ZZEF1: variants seen among roughly 807,000 people sequenced by gnomAD.
The protein encoded by ZZEF1 is zinc finger ZZ-type and EF-hand domain-containing protein 1.
Under a neutral mutation model 342.8 loss-of-function variants are expected in ZZEF1, and 157 were observed. The ratio of observed to expected loss-of-function variants is 0.46; its 90% CI spans 0.40 to 0.52. ZZEF1 has a LOEUF of 0.52. Ranked by LOEUF, ZZEF1 falls within the 20% of genes least tolerant of loss-of-function variation. The probability of loss-of-function intolerance (pLI) is 0.00; values close to 1 mark genes in which losing one functional copy is unlikely to be tolerated. For missense variants in ZZEF1, 3,480 were observed against 3,725.6 expected (o/e 0.93, Z 1.72); for synonymous variants, 1,505 against 1,429.1 (o/e 1.05, Z -1.20).
At chr17:4,077,378 T>G (rs2145310349) in intron 19 of ZZEF1, among the ~76,000 whole-genome samples, 1 of 152,332 alleles carries the variant, frequency 6.6e-6, no homozygotes, top group Non-Finnish European at 1.5e-5. Flanking sequence ...TCGTCACAGC[T>G]GCTGGGACCA....
At chr17:4,033,971 T>G (rs752197575) in intron 40 of ZZEF1, 44 bp downstream of exon 40, 2 of 1,599,146 alleles carry the variant, frequency 1.3e-6, no homozygotes, top group Non-Finnish European at 1.7e-6. Flanking sequence ...AACACCAAGG[T>G]GGGATAGAGG....
chr17:4,073,284 T>C (rs906608955), intron 24 of ZZEF1, among the ~76,000 whole-genome samples: 3 of 152,230 alleles, frequency 2.0e-5, no homozygotes, highest in Non-Finnish European at 2.9e-5. Flanking sequence ...TTTCCTTTGT[T>C]TTTTTCCACT....
intron 29 of ZZEF1, 88 bp from the exon 30 acceptor site, chr17:4,063,005 A>AT (rs2057317297): frequency 7.4e-7 from 1 of 1,355,574 alleles, no homozygotes; most frequent in East Asian, 2.4e-5. Context: ...CTGATGCCAT[A>AT]TATCAAAGAG....
At chr17:4,133,767 G>A (rs755678435) in intron 1 of ZZEF1, among the ~76,000 whole-genome samples, 2 of 151,472 alleles carry the variant, frequency 1.3e-5, no homozygotes, top group Non-Finnish European at 2.9e-5. Context: ...TACCACCCAG[G>A]CTAGAGTGCA....
chr17:4,059,142 T>TC (rs2057231380), intron 31 of ZZEF1, 29 bp downstream of exon 31: 4 of 1,528,144 alleles, frequency 2.6e-6, no homozygotes, highest in South Asian at 1.3e-5. Flanking sequence ...ACATTTTTTT[T>TC]CTCTAGAAAT....
chr17:4,045,838 T>G (rs999378400), intron 37 of ZZEF1, among the ~76,000 whole-genome samples: 2 of 151,548 alleles, frequency 1.3e-5, no homozygotes, highest in Non-Finnish European at 2.9e-5. Context: ...TTGTTTTTTT[T>G]TTTTTTTGAG....
At chr17:4,031,861 T>G (rs1342760472) in intron 42 of ZZEF1, among the ~76,000 whole-genome samples, 1 of 152,050 alleles carries the variant, frequency 6.6e-6, no homozygotes, top group South Asian at 2.1e-4. Flanking sequence ...AATGGAGAAA[T>G]TAAATGTTCA....
In ZZEF1 at chr17:4,042,341, T is replaced by C. The variant is rs887739839; in HGVS notation, c.6306+88A>G. 1.5e-4 allele frequency: 211 copies of C among 1,372,474 alleles called. 1 individual carries two copies. The highest frequency in any genetic ancestry group is 7.8e-4 in the Middle Eastern group (4 of 5,134). 85.0% of individuals were successfully genotyped at this position (1,372,474 alleles called of 1,614,324 possible). A position where few individuals can be genotyped will look rare whatever the true frequency, so the allele number is the denominator to read the frequency against. ...CCTACCCTTAAGGCTACAGAGATGA[T>C]TGTCATCATTTGTTTCAGTATGTGG... On this transcript the variant is annotated intron_variant, in intron 39 of 54. Coordinates refer to ENST00000381638, the MANE Select transcript of ZZEF1 (RefSeq NM_015113.4).
In ZZEF1 at chr17:4,086,652, C is replaced by A; in HGVS notation, c.2346G>T (p.Pro782=). The part of the protein sequence containing the change: ...WNFYSKLKQN[P]REECVSAQTL... The stretch of plus-strand genomic sequence containing the variant: ...TTTGGGCAGAGACGCATTCTTCCCT[C>A]GGGCTACAGAAAGACAAAAAACATC... Residue 782 remains proline (P), a synonymous_variant, in exon 15 of 55, where the codon CCG becomes CCT. Transcript: ENST00000381638. The A allele has an allele frequency of 6.2e-7, 1 of 1,613,496 alleles. No homozygotes were observed. Among genetic ancestry groups the A allele is most frequent in the Non-Finnish European group, 8.5e-7 (1 of 1,179,966 alleles).
chr17:4,041,286 G>C (rs975811343), intron 39 of ZZEF1, among the ~76,000 whole-genome samples: 1 of 146,054 alleles, frequency 6.8e-6, no homozygotes, highest in Non-Finnish European at 1.5e-5. Flanking sequence ...TCCATACCAA[G>C]AGGGAACACA....
Position 4,117,067 on chromosome 17 carries a change from A to T in ZZEF1, c.599T>A (p.Met200Lys). The T allele has an allele frequency of 6.2e-7, 1 of 1,614,194 alleles. No individual in the cohort carries two copies. Among genetic ancestry groups the T allele is most frequent in the Non-Finnish European group, 8.5e-7 (1 of 1,180,028 alleles). ...LHRNRLSSAV[M>K]PYPMLEHCNN... ...GCAGTGCTCCAGCATCGGGTAGGGC[A>T]TCACCGCGCTGGAGAGCCGATTGCG... The change falls in exon 3 of 55, where the codon ATG (methionine) becomes AAG (lysine). Residue 200 changes from methionine (M) to lysine (K), a missense_variant. By Grantham distance (95) the Met-to-Lys change is moderately conservative. Around this residue, in one of 5 missense-constraint regions of ZZEF1, gnomAD observed 416 missense variants for 374.2 expected, o/e 1.11. Transcript: ENST00000381638.
At chr17:4,126,494 G>A (rs2058575803) in intron 1 of ZZEF1, among the ~76,000 whole-genome samples, 1 of 152,172 alleles carries the variant, frequency 6.6e-6, no homozygotes, top group Non-Finnish European at 1.5e-5. Flanking sequence ...CTTGGAAACA[G>A]ATGGATAAGT....
intron 6 of ZZEF1, among the ~76,000 whole-genome samples, chr17:4,107,670 T>C (rs750130554): frequency 6.6e-6 from 1 of 152,158 alleles, no homozygotes; most frequent in Non-Finnish European, 1.5e-5. Flanking sequence ...ACTGGTTACA[T>C]AGAGGCGAAC....
intron 16 of ZZEF1, 27 bp downstream of exon 16, chr17:4,085,643 T>C: frequency 1.2e-6 from 2 of 1,612,320 alleles, no homozygotes; most frequent in Non-Finnish European, 1.7e-6. Context: ...CTTCAGACAT[T>C]GAATCCAGAC....
intron 2 of ZZEF1, among the ~76,000 whole-genome samples, chr17:4,118,739 T>C (rs2058437516): frequency 1.3e-5 from 2 of 152,342 alleles, no homozygotes; most frequent in East Asian, 1.9e-4. Context: ...ATACAGCAAC[T>C]TATCCTTTAT....
intron 11 of ZZEF1, among the ~76,000 whole-genome samples, chr17:4,093,703 C>T (rs1474647088): frequency 6.6e-6 from 1 of 152,148 alleles, no homozygotes; most frequent in Non-Finnish European, 1.5e-5. Flanking sequence ...TCAAGGAGTA[C>T]TGCAGTGGAT....
intron 28 of ZZEF1, 67 bp from the exon 29 acceptor site, chr17:4,064,896 G>A: frequency 8.3e-7 from 1 of 1,198,602 alleles, no homozygotes; most frequent in South Asian, 1.5e-5. Flanking sequence ...GGGGAGGGGA[G>A]AGGGATAGCA....
At chr17:4,123,075 A>G (rs902399706) in intron 2 of ZZEF1, among the ~76,000 whole-genome samples, 1 of 151,302 alleles carries the variant, frequency 6.6e-6, no homozygotes, top group African/African-American at 2.4e-5. Flanking sequence ...ACCCGCCACC[A>G]TGCCCGGATA....
At chr17:4,074,945 G>GTTTTGT in intron 23 of ZZEF1, 152 bp downstream of exon 23, 1 of 809,490 alleles carries the variant, frequency 1.2e-6, no homozygotes, top group Admixed American at 2.8e-5. Context: ...ACAGACTATA[G>GTTTTGT]CTGGTCAAAC....
Sources: gnomAD v4.1 joint callset for allele counts (sites outside exome capture counted in the v4.1 genomes callset) on GRCh38, gnomAD v4.1.1 for gene constraint, gnomAD v4.1.1 regional missense constraint, MANE v1.5 for transcripts, NCBI Gene and HGNC (gene_info 2026-07-23, HGNC 2026-07-21) for gene names.